The following TUBGCP3 variants were observed in gnomAD, a reference collection of about 807,000 sequenced individuals.
TUBGCP3 encodes gamma-tubulin complex component 3.
TUBGCP3 carries 50 observed loss-of-function variants against 123.1 expected under a neutral mutation model. The observed-to-expected ratio is 0.41, with a 90% CI of 0.32 to 0.51. The LOEUF (loss-of-function observed/expected upper bound fraction) is 0.51, where lower values mean the gene tolerates loss of function less well. TUBGCP3 is among the 20% of genes least tolerant of loss of function. TUBGCP3 has a pLI of 0.36. For synonymous variants in TUBGCP3, 405 were observed against 413.9 expected (o/e 0.98, Z 0.26); for missense variants, 882 against 1,127.0 (o/e 0.78, Z 3.11).
intron 6 of TUBGCP3, among the ~76,000 whole-genome samples, chr13:112,555,775 A>C (rs766604837): frequency 7.9e-5 from 12 of 152,134 alleles, no homozygotes; most frequent in Non-Finnish European, 1.5e-4. Flanking sequence ...GAATGTGATG[A>C]GGAACAGCAA....
intron 3 of TUBGCP3, among the ~76,000 whole-genome samples, chr13:112,562,124 A>G (rs1880559770): frequency 6.6e-6 from 1 of 150,932 alleles, no homozygotes; most frequent in Non-Finnish European, 1.5e-5. Context: ...ACCACCAGCC[A>G]GGACCCAATA....
chr13:112,508,626 GATCT>G lies in TUBGCP3; in HGVS notation c.2087-3916_2087-3913del, dbSNP rs1415986848. 6.6e-6 allele frequency among the ~76,000 whole-genome samples: 1 copy of G among 152,092 alleles called. No individual in the cohort carries two copies. Among genetic ancestry groups the G allele is most frequent in the African/African-American group, 2.4e-5 (1 of 41,410 alleles). On this transcript the variant is annotated intron_variant, in intron 17 of 21. Coordinates refer to ENST00000261965, the MANE Select transcript of TUBGCP3 (RefSeq NM_006322.6). This position sits in a 1 kb window ranked among gnomAD's most constrained non-coding sequence, Gnocchi z 4.2. The stretch of plus-strand genomic sequence containing the variant: ...ATCTAAAATCTTTACCTCTAGTCTA[GATCT>G]ATCTTAAGTTTAAGATCAGTCTGAT...
intron 11 of TUBGCP3, among the ~76,000 whole-genome samples, chr13:112,540,867 T>C (rs1054658551): frequency 6.6e-6 from 1 of 152,250 alleles, no homozygotes; most frequent in Non-Finnish European, 1.5e-5. Flanking sequence ...GTAAGTTCAT[T>C]AATAATTTGA....
intron 1 of TUBGCP3, among the ~76,000 whole-genome samples, chr13:112,582,370 G>C (rs1882328438): frequency 6.6e-6 from 1 of 152,222 alleles, no homozygotes; most frequent in African/African-American, 2.4e-5. Flanking sequence ...TGGCACATAA[G>C]TACCCAAGGC....
chr13:112,587,827 G>A (rs776753894), intron 1 of TUBGCP3, 78 bp downstream of exon 1: 6 of 1,313,632 alleles, frequency 4.6e-6, no homozygotes, highest in Non-Finnish European at 5.2e-6. Flanking sequence ...CTCCAGCCCC[G>A]GAACGTATTA....
chr13:112,565,934 CA>C (rs201734900), intron 2 of TUBGCP3, among the ~76,000 whole-genome samples: 24,690 of 111,242 alleles, frequency 0.22, 3,004 homozygotes, highest in African/African-American at 0.44. Flanking sequence ...GACTCTGTCT[CA>C]AAAAAAAAAA....
intron 17 of TUBGCP3, among the ~76,000 whole-genome samples, chr13:112,509,434 A>T (rs1450341495): frequency 6.6e-6 from 1 of 152,246 alleles, no homozygotes; most frequent in Non-Finnish European, 1.5e-5. Flanking sequence ...CAGAGCAGGC[A>T]GTCTGCATTC....
intron 1 of TUBGCP3, among the ~76,000 whole-genome samples, chr13:112,578,119 C>T (rs111630274): frequency 2.6e-5 from 4 of 152,124 alleles, no homozygotes; most frequent in African/African-American, 9.7e-5. Flanking sequence ...GGGCGGAAGG[C>T]TACCCTGACG....
intron 17 of TUBGCP3, among the ~76,000 whole-genome samples, chr13:112,507,723 C>T (rs1881397946): frequency 6.6e-6 from 1 of 152,128 alleles, no homozygotes; most frequent in African/African-American, 2.4e-5. Context: ...AGTAACATGC[C>T]GATTTTTCAT....
At chr13:112,547,366 T>C in intron 10 of TUBGCP3, 1 of 497,142 alleles carries the variant, frequency 2.0e-6, no homozygotes, top group East Asian at 3.5e-5. Context: ...TGGCAAGTGG[T>C]TACGTCCCCT....
chr13:112,506,833 A>T (rs1486555567), intron 17 of TUBGCP3, among the ~76,000 whole-genome samples: 3 of 152,326 alleles, frequency 2.0e-5, no homozygotes, highest in African/African-American at 7.2e-5. Flanking sequence ...AGTGATGTTC[A>T]GCCGTGTTAT....
intron 2 of TUBGCP3, 47 bp from the exon 3 acceptor site, chr13:112,565,225 A>C (rs1283272901): frequency 6.6e-7 from 1 of 1,505,104 alleles, no homozygotes. Context: ...AAACACCAAA[A>C]TTCATTCTTA....
intron 19 of TUBGCP3, among the ~76,000 whole-genome samples, chr13:112,501,375 A>AT (rs1181865503): frequency 2.0e-5 from 3 of 152,230 alleles, no homozygotes; most frequent in Admixed American, 2.0e-4. Flanking sequence ...ACCCACTGAC[A>AT]TTGACTTCAA....
chr13:112,527,360 T>G lies in TUBGCP3; in HGVS notation c.1446+14A>C. On this transcript the variant is annotated intron_variant, in intron 12 of 21. Coordinates refer to ENST00000261965, the MANE Select transcript of TUBGCP3 (RefSeq NM_006322.6). The stretch of plus-strand genomic sequence containing the variant: ...ATAAAACATCAAAATCACAAAAATC[T>G]CTTCTAATCCTACCTTCCTAGACTG... 1 of 1,509,778 alleles carries G rather than the reference T, an allele frequency of 6.6e-7. No individual in the cohort carries two copies. The highest frequency in any genetic ancestry group is 8.9e-7 in the Non-Finnish European group (1 of 1,125,572). 93.5% of individuals were successfully genotyped at this position (1,509,778 alleles called of 1,614,324 possible). A position where few individuals can be genotyped will look rare whatever the true frequency, so the allele number is the denominator to read the frequency against.
chr13:112,495,174 A>G (rs547006940), intron 20 of TUBGCP3, among the ~76,000 whole-genome samples: 13 of 152,308 alleles, frequency 8.5e-5, no homozygotes, highest in African/African-American at 3.1e-4. Flanking sequence ...AGTGTTTTCC[A>G]TTAGTATTTC....
chr13:112,536,617 T>G (rs957135264), intron 11 of TUBGCP3, among the ~76,000 whole-genome samples: 2 of 152,232 alleles, frequency 1.3e-5, no homozygotes, highest in Admixed American at 6.5e-5. Flanking sequence ...TATGGAAATA[T>G]AAATGATTTT....
At chr13:112,560,742 T>C (rs925363115) in intron 3 of TUBGCP3, among the ~76,000 whole-genome samples, 1 of 152,220 alleles carries the variant, frequency 6.6e-6, no homozygotes, top group Non-Finnish European at 1.5e-5. Flanking sequence ...GTATTTAAAT[T>C]ACTAACTTTA....
At chr13:112,549,959 C>T (rs889740578) in intron 8 of TUBGCP3, among the ~76,000 whole-genome samples, 2 of 131,616 alleles carry the variant, frequency 1.5e-5, no homozygotes, top group Admixed American at 9.0e-5. Flanking sequence ...CACTGCACTT[C>T]AGCCTGGGCG....
At chr13:112,577,277 C>T (rs1039472298) in intron 1 of TUBGCP3, among the ~76,000 whole-genome samples, 2 of 152,062 alleles carry the variant, frequency 1.3e-5, no homozygotes, top group South Asian at 2.1e-4. Flanking sequence ...CTTAGCCAAG[C>T]GATCAAGGTC....
Sources: allele counts gnomAD v4.1 joint callset (sites outside exome capture counted in the v4.1 genomes callset), GRCh38; gene constraint gnomAD v4.1.1; non-coding constraint Gnocchi (gnomAD v3.1); transcripts MANE v1.5; gene names NCBI Gene and HGNC (gene_info 2026-07-23, HGNC 2026-07-21).